Variants in MAPK1IP1L observed in about 807,000 individuals in gnomAD.
MAPK1IP1L encodes mitogen-activated protein kinase 1 interacting protein 1 like, also known as MAPK-interacting and spindle-stabilizing protein-like.
Under a neutral mutation model 18.1 loss-of-function variants are expected in MAPK1IP1L, and 10 were observed. That is an observed-to-expected ratio of 0.55 (90% CI 0.34 to 0.94). The LOEUF (loss-of-function observed/expected upper bound fraction) is 0.94, where lower values mean the gene tolerates loss of function less well. Among genes scored for constraint, MAPK1IP1L ranks in the 40% least tolerant of loss-of-function variants. The probability of loss-of-function intolerance (pLI) is 0.02; values close to 1 mark genes in which losing one functional copy is unlikely to be tolerated. For missense variants in MAPK1IP1L, 260 were observed against 318.2 expected (o/e 0.82, Z 1.39); for synonymous variants, 115 against 117.3 (o/e 0.98, Z 0.13).
chr14:55,063,361 T>A, intron 3 of MAPK1IP1L, 36 bp downstream of exon 3: 1 of 1,503,962 alleles, frequency 6.6e-7, no homozygotes, highest in Middle Eastern at 1.8e-4. Context: ...GTGTACTAAT[T>A]GTACATAGCA....
chr14:55,059,489 A>G (rs1030955166), intron 1 of MAPK1IP1L, among the ~76,000 whole-genome samples: 5 of 152,156 alleles, frequency 3.3e-5, no homozygotes, highest in Non-Finnish European at 7.4e-5. Context: ...GCTGGGCAGG[A>G]TCGATTGAGC....
chr14:55,062,599 T>C lies in MAPK1IP1L; in HGVS notation c.19-19T>C. 2.5e-6 allele frequency: 4 copies of C among 1,589,150 alleles called. No individual in the cohort carries two copies. Among genetic ancestry groups the C allele is most frequent in the Non-Finnish European group, 3.4e-6 (4 of 1,164,532 alleles). On this transcript the variant is annotated intron_variant, in intron 2 of 3. Transcript: ENST00000395468. ...AACTTTTCCCTAGATAGGAAAGACG[T>C]ATCTGTTTTGTGTTCCAGTTGGCAG...
Position 55,067,567 on chromosome 14 carries a change from C to T in MAPK1IP1L, c.*2940C>T, listed in dbSNP as rs1352058173. On this transcript the variant is annotated 3_prime_UTR_variant, in exon 4 of 4. Transcript: ENST00000395468. ...GGGATTACAGGTGCCCGCCACCACA[C>T]CCATTTTTGTATTTTTAGTAGAGAC... The T allele has an allele frequency of 6.6e-6, 1 of 152,012 alleles. No homozygotes were observed. Among genetic ancestry groups the T allele is most frequent in the African/African-American group, 2.4e-5 (1 of 41,338 alleles). 9.4% of individuals were successfully genotyped at this position (152,012 alleles called of 1,614,324 possible). A position where few individuals can be genotyped will look rare whatever the true frequency, so the allele number is the denominator to read the frequency against.
intron 1 of MAPK1IP1L, among the ~76,000 whole-genome samples, chr14:55,061,342 C>CT (rs1192183735): frequency 6.6e-6 from 1 of 152,140 alleles, no homozygotes; most frequent in Non-Finnish European, 1.5e-5. Context: ...ATGTCCAGTG[C>CT]TTTTTCCTGG....
intron 1 of MAPK1IP1L, among the ~76,000 whole-genome samples, chr14:55,061,037 C>A (rs1044220962): frequency 1.1e-4 from 17 of 151,930 alleles, no homozygotes; most frequent in African/African-American, 4.1e-4. Context: ...GTAGTACCGG[C>A]TATTAGGGAG....
chr14:55,052,581 A>G (rs2042739242), intron 1 of MAPK1IP1L, among the ~76,000 whole-genome samples: 3 of 152,150 alleles, frequency 2.0e-5, no homozygotes, highest in African/African-American at 7.2e-5. Context: ...AGCCAGGCTC[A>G]CTCGACCGCA....
intron 3 of MAPK1IP1L, 131 bp downstream of exon 3, chr14:55,063,456 A>G: frequency 2.7e-6 from 2 of 752,340 alleles, no homozygotes; most frequent in Non-Finnish European, 4.1e-6. Context: ...TATATTAAAT[A>G]AGTAAATTTC....
rs1007507618 is a variant in MAPK1IP1L at position 55,069,051 on chromosome 14, G to C, written c.*4424G>C. 2.0e-5 allele frequency: 3 copies of C among 151,438 alleles called. No homozygotes were observed. Among genetic ancestry groups the C allele is most frequent in the Admixed American group, 1.3e-4 (2 of 15,190 alleles). The allele number at this position is 151,438 out of a possible 1,614,324, so 9.4% of individuals were successfully genotyped here. A position where few individuals can be genotyped will look rare whatever the true frequency, so the allele number is the denominator to read the frequency against. ...GAATTTAATGTTTTTCAAGATTGTA[G>C]TGTTGATCAGCGCAACAATTCAAGT... On this transcript the variant is annotated 3_prime_UTR_variant, in exon 4 of 4. Transcript: ENST00000395468.
Position 55,070,136 on chromosome 14 carries a change from T to C in MAPK1IP1L, c.*5509T>C, listed in dbSNP as rs1044800070. 1.3e-5 allele frequency: 2 copies of C among 152,234 alleles called. No homozygotes were observed. The highest frequency in any genetic ancestry group is 2.9e-5 in the Non-Finnish European group (2 of 68,032). 9.4% of individuals were successfully genotyped at this position (152,234 alleles called of 1,614,324 possible). On this transcript the variant is annotated 3_prime_UTR_variant, in exon 4 of 4. Coordinates refer to ENST00000395468, the MANE Select transcript of MAPK1IP1L (RefSeq NM_144578.4). ...TGTTATTCAATATCCCATGAAAGTA[T>C]TCACCTAAAGTGGAGTTATGAAATG...
intron 1 of MAPK1IP1L, among the ~76,000 whole-genome samples, chr14:55,053,040 T>C (rs2042742966): frequency 6.6e-6 from 1 of 152,262 alleles, no homozygotes; most frequent in Non-Finnish European, 1.5e-5. Context: ...ACATTCATTC[T>C]AAGTGGGGGC....
In MAPK1IP1L at chr14:55,066,151, T is replaced by C. The variant is rs1332915022; in HGVS notation, c.*1524T>C. On this transcript the variant is annotated 3_prime_UTR_variant, in exon 4 of 4. Coordinates refer to ENST00000395468, the MANE Select transcript of MAPK1IP1L (RefSeq NM_144578.4). Reference sequence around the variant, plus strand: ...AAACAGGATTTATGCTGGAGCTCTGTTTTGCTTAGAAATAAAATATTTAGT... The same window carrying C: ...AAACAGGATTTATGCTGGAGCTCTGCTTTGCTTAGAAATAAAATATTTAGT... 2 of 152,212 alleles carry C rather than the reference T, an allele frequency of 1.3e-5. No homozygotes were observed. The highest frequency in any genetic ancestry group is 2.4e-5 in the African/African-American group (1 of 41,468). The allele number at this position is 152,212 out of a possible 1,614,324, so 9.4% of individuals were successfully genotyped here. A position where few individuals can be genotyped will look rare whatever the true frequency, so the allele number is the denominator to read the frequency against.
rs186374980 is a variant in MAPK1IP1L at position 55,057,935 on chromosome 14, A to C, written c.-4-3745A>C. On this transcript the variant is annotated intron_variant, in intron 1 of 3. Transcript: ENST00000395468. Reference sequence around the variant, plus strand: ...CGGTGACAGAGCAAGACCCTGTCTCAAAAAAAAATTGAATGAATGTGAGCT... The same window carrying C: ...CGGTGACAGAGCAAGACCCTGTCTCCAAAAAAAATTGAATGAATGTGAGCT... 5.9e-5 allele frequency among the ~76,000 whole-genome samples: 9 copies of C among 151,496 alleles called. No individual in the cohort carries two copies. The East Asian group carries it at 1.7e-3, about 29-fold the overall frequency.
intron 1 of MAPK1IP1L, among the ~76,000 whole-genome samples, chr14:55,056,986 T>A (rs1269264199): frequency 3.3e-5 from 5 of 152,214 alleles, no homozygotes; most frequent in Admixed American, 3.3e-4. Flanking sequence ...AGAAAAAGCA[T>A]GAGATCAATT....
Position 55,068,769 on chromosome 14 carries a change from C to T in MAPK1IP1L, c.*4142C>T, listed in dbSNP as rs1401273310. 1 of 152,196 alleles carries T rather than the reference C, an allele frequency of 6.6e-6. No homozygotes were observed. Among genetic ancestry groups the T allele is most frequent in the Non-Finnish European group, 1.5e-5 (1 of 68,042 alleles). 9.4% of individuals were successfully genotyped at this position (152,196 alleles called of 1,614,324 possible). A position where few individuals can be genotyped will look rare whatever the true frequency, so the allele number is the denominator to read the frequency against. On this transcript the variant is annotated 3_prime_UTR_variant, in exon 4 of 4. Transcript: ENST00000395468. ...TAATCAGTATTTTGTAAATGGCAGG[C>T]AAGCTTCTGGCTGTCGAAAACATCT... is the stretch of plus-strand genomic sequence containing the variant.
intron 1 of MAPK1IP1L, among the ~76,000 whole-genome samples, chr14:55,054,163 A>C (rs2042752086): frequency 6.6e-6 from 1 of 150,836 alleles, no homozygotes; most frequent in African/African-American, 2.4e-5. Context: ...ATTCTAATTT[A>C]TAATTTATAT....
intron 1 of MAPK1IP1L, among the ~76,000 whole-genome samples, chr14:55,056,752 G>A (rs978536931): frequency 3.3e-5 from 5 of 152,036 alleles, no homozygotes; most frequent in African/African-American, 4.8e-5. Flanking sequence ...TTCGTGATCC[G>A]CCCTCCTCGG....
At chr14:55,062,065 A>G (rs550546085) in intron 2 of MAPK1IP1L, among the ~76,000 whole-genome samples, 12 of 152,340 alleles carry the variant, frequency 7.9e-5, no homozygotes, top group African/African-American at 2.6e-4. Flanking sequence ...ATTTATGAAA[A>G]TATGTATTTC....
At chr14:55,060,894 T>C (rs1464239679) in intron 1 of MAPK1IP1L, 2 of 152,174 alleles carry the variant, frequency 1.3e-5, no homozygotes, top group Non-Finnish European at 2.9e-5. Context: ...CCCAATACTT[T>C]GGGAGGCTGA....
Position 55,063,170 on chromosome 14 carries a change from T to C in MAPK1IP1L, c.571T>C (p.Trp191Arg). Residue 191 changes from tryptophan to arginine, a missense_variant, in exon 3 of 4, where the codon TGG becomes CGG. Transcript: ENST00000395468. ...QAPGAAPPVPWGTVPPGAWGP... is the reference protein window; with the variant it reads ...QAPGAAPPVPRGTVPPGAWGP... ...CCCTGGGGCAGCACCACCTGTTCCA[T>C]GGGGCACCGTTCCACCAGGAGCCTG... The C allele has an allele frequency of 6.2e-7, 1 of 1,614,100 alleles. No individual in the cohort carries two copies. Among genetic ancestry groups the C allele is most frequent in the Non-Finnish European group, 8.5e-7 (1 of 1,180,010 alleles).
Sources: allele counts gnomAD v4.1 joint callset (sites outside exome capture counted in the v4.1 genomes callset), GRCh38; gene constraint gnomAD v4.1.1; transcripts MANE v1.5; gene names NCBI Gene and HGNC (gene_info 2026-07-23, HGNC 2026-07-21).